Variants in ZBTB2 observed in about 807,000 individuals in gnomAD.
ZBTB2 encodes the protein zinc finger and BTB domain containing 2, also known as zinc finger and BTB domain-containing protein 2.
In ZBTB2, 2 loss-of-function variants were observed where a neutral mutation model predicts 39.5. That is an observed-to-expected ratio of 0.05 (90% CI 0.02 to 0.16). The LOEUF (loss-of-function observed/expected upper bound fraction) is 0.16, where lower values mean the gene tolerates loss of function less well. ZBTB2 is among the 10% of genes least tolerant of loss of function. ZBTB2 has a pLI of 1.00. For missense variants in ZBTB2, 391 were observed against 653.0 expected (o/e 0.60, Z 4.37); for synonymous variants, 251 against 256.6 (o/e 0.98, Z 0.21).
At chr6:151,390,675 TAGCGGCAGC>T in intron 1 of ZBTB2, among the ~76,000 whole-genome samples, 1 of 151,604 alleles carries the variant, frequency 6.6e-6, no homozygotes, top group East Asian at 2.0e-4. Flanking sequence ...GCCGCAGCAG[TAGCGGCAGC>T]AGCTGTAGGA....
At chr6:151,389,700 G>A (rs1464284000) in intron 1 of ZBTB2, among the ~76,000 whole-genome samples, 1 of 152,188 alleles carries the variant, frequency 6.6e-6, no homozygotes, top group Admixed American at 6.5e-5. Context: ...GAACAATGCA[G>A]CTGGGGGAGG....
At chr6:151,379,853 G>A (rs1582920966) in intron 1 of ZBTB2, among the ~76,000 whole-genome samples, 1 of 151,776 alleles carries the variant, frequency 6.6e-6, no homozygotes, top group East Asian at 1.9e-4. Context: ...TACATGAATG[G>A]GTGTATATTA....
chr6:151,375,243 G>A (rs928934365), intron 1 of ZBTB2, among the ~76,000 whole-genome samples: 3 of 152,154 alleles, frequency 2.0e-5, no homozygotes, highest in Non-Finnish European at 4.4e-5. Flanking sequence ...CATGTGGACT[G>A]AATTAAAAAG....
rs138282534 is a variant in ZBTB2, at chr6:151,372,328, G to A, written c.173+1137C>T. Among the ~76,000 whole-genome samples the A allele has an allele frequency of 2.6e-5, 4 of 152,194 alleles. No individual in the cohort carries two copies. The East Asian group carries it at 5.8e-4, about 22-fold the overall frequency. ...GACTGCAGCAGAATGAAGGAGGGGA[G>A]GAAACCACAGCGCGCACTGATAGGA... On this transcript the variant is annotated intron_variant, in intron 2 of 2. Coordinates refer to ENST00000325144, the MANE Select transcript of ZBTB2 (RefSeq NM_020861.3).
intron 1 of ZBTB2, among the ~76,000 whole-genome samples, chr6:151,379,024 T>C (rs924086959): frequency 2.1e-4 from 32 of 152,324 alleles, no homozygotes; most frequent in Non-Finnish European, 1.0e-4. Context: ...ACTTGGTTAG[T>C]TGGAATGTGC....
Position 151,364,458 on chromosome 6 carries a change from T to G in ZBTB2, c.*1063A>C, listed in dbSNP as rs1198353381. ...ATCAAGTTTTTTCCCAAACAGCAATTAGATTTTTTGTCCTGATTTCTCTTT... is the reference window on the plus strand; with the variant it reads ...ATCAAGTTTTTTCCCAAACAGCAATGAGATTTTTTGTCCTGATTTCTCTTT... On this transcript the variant is annotated 3_prime_UTR_variant, in exon 3 of 3. Coordinates refer to ENST00000325144, the MANE Select transcript of ZBTB2 (RefSeq NM_020861.3). The G allele has an allele frequency of 6.6e-6, 1 of 152,592 alleles. No individual in the cohort carries two copies. Among genetic ancestry groups the G allele is most frequent in the Non-Finnish European group, 1.5e-5 (1 of 68,028 alleles). 9.5% of individuals were successfully genotyped at this position (152,592 alleles called of 1,614,324 possible).
At position 151,390,501 on chromosome 6, in the gene ZBTB2, T is replaced by G. The variant is rs369759054; in HGVS notation, c.-13+919A>C. ...TAACACAATGCCGACGCCTACGCCG[T>G]GCGCAACGCCCCGGCCGGCGCAACA... On this transcript the variant is annotated intron_variant, in intron 1 of 2. Transcript: ENST00000325144. Among the ~76,000 whole-genome samples, 4 of 148,804 alleles carry G rather than the reference T, an allele frequency of 2.7e-5. No homozygotes were observed. In the East Asian group the frequency reaches 6.2e-4, roughly 23 times the overall value.
chr6:151,388,085 G>A (rs1368639758), intron 1 of ZBTB2, among the ~76,000 whole-genome samples: 1 of 151,320 alleles, frequency 6.6e-6, no homozygotes, highest in African/African-American at 2.4e-5. Flanking sequence ...TTTCTTCAGG[G>A]AAATAAAAAT....
rs1778769656 is a variant in ZBTB2 at position 151,370,624 on chromosome 6, T to G, written c.173+2841A>C. Among the ~76,000 whole-genome samples the G allele has an allele frequency of 3.3e-5, 5 of 152,244 alleles. No individual in the cohort carries two copies. The South Asian group carries it at 1.0e-3, about 32-fold the overall frequency. ...TGTGATTTAAACATACCACTCGGAGTAGTAGACATAAGACAGGGACATCTA... is the reference window on the plus strand; with the variant it reads ...TGTGATTTAAACATACCACTCGGAGGAGTAGACATAAGACAGGGACATCTA... On this transcript the variant is annotated intron_variant, in intron 2 of 2. Transcript: ENST00000325144.
chr6:151,390,786 C>G (rs373502164), intron 1 of ZBTB2, among the ~76,000 whole-genome samples: 1 of 150,506 alleles, frequency 6.6e-6, no homozygotes, highest in Non-Finnish European at 1.5e-5. Flanking sequence ...CTCCCCTCCC[C>G]CAAACCCACT....
chr6:151,368,850 G>A (rs1053514953), intron 2 of ZBTB2, among the ~76,000 whole-genome samples: 3 of 151,558 alleles, frequency 2.0e-5, no homozygotes, highest in East Asian at 1.9e-4. Context: ...TGCAATCTCC[G>A]CCTCCCAGGT....
chr6:151,366,952 C>G lies in ZBTB2; in HGVS notation c.174-60G>C. Reference sequence around the variant, plus strand: ...TGCCAGTCTAGGTGTTAACATAAAGCCTGAAGAAAAAAATGAATGCTTAAA... The same window carrying G: ...TGCCAGTCTAGGTGTTAACATAAAGGCTGAAGAAAAAAATGAATGCTTAAA... On this transcript the variant is annotated intron_variant, in intron 2 of 2. Transcript: ENST00000325144. This position sits in a 1 kb window ranked among gnomAD's most constrained non-coding sequence, Gnocchi z 7.1. 6.7e-7 allele frequency: 1 copy of G among 1,492,234 alleles called. No homozygotes were observed. Among genetic ancestry groups the G allele is most frequent in the Non-Finnish European group, 8.9e-7 (1 of 1,120,262 alleles). The allele number at this position is 1,492,234 out of a possible 1,614,324, so 92.4% of individuals were successfully genotyped here.
chr6:151,385,919 T>G (rs921582270), intron 1 of ZBTB2, among the ~76,000 whole-genome samples: 3 of 152,220 alleles, frequency 2.0e-5, no homozygotes, highest in Non-Finnish European at 4.4e-5. Context: ...GGCATTTTTT[T>G]CTTAACATTT....
chr6:151,382,483 G>A (rs957535931), intron 1 of ZBTB2, among the ~76,000 whole-genome samples: 9 of 151,308 alleles, frequency 5.9e-5, no homozygotes, highest in African/African-American at 1.9e-4. Context: ...TCGAACTCCC[G>A]ACCTCAGATG....
At chr6:151,384,064 T>C (rs1021410184) in intron 1 of ZBTB2, among the ~76,000 whole-genome samples, 1 of 152,342 alleles carries the variant, frequency 6.6e-6, no homozygotes, top group African/African-American at 2.4e-5. Flanking sequence ...CTAGTTATCC[T>C]AGATTGACCT....
At chr6:151,371,780 A>AT (rs1366735137) in intron 2 of ZBTB2, among the ~76,000 whole-genome samples, 5 of 152,234 alleles carry the variant, frequency 3.3e-5, no homozygotes, top group African/African-American at 1.2e-4. Context: ...GGAAATACGA[A>AT]TCCAATAGTA....
rs1562763597 is a variant in ZBTB2 at position 151,366,907 on chromosome 6, T to A, written c.174-15A>T. ...GGACACACTCACTGAAAGAAACAAG[T>A]AAAAAAATACGTGAGTAAATGCCAG... On this transcript the variant is annotated splice_polypyrimidine_tract_variant and intron_variant, in intron 2 of 2. Transcript: ENST00000325144. This position sits in a 1 kb window ranked among gnomAD's most constrained non-coding sequence, Gnocchi z 7.1. 2 of 1,581,050 alleles carry A rather than the reference T, an allele frequency of 1.3e-6. No homozygotes were observed. Among genetic ancestry groups the A allele is most frequent in the Admixed American group, 1.8e-5 (1 of 55,222 alleles).
At chr6:151,378,222 A>T (rs542207780) in intron 1 of ZBTB2, 1 of 152,318 alleles carries the variant, frequency 6.6e-6, no homozygotes, top group East Asian at 1.9e-4. Flanking sequence ...TAATGGAATA[A>T]TACTTTAAGA....
At chr6:151,369,441 C>T (rs1364889541) in intron 2 of ZBTB2, among the ~76,000 whole-genome samples, 1 of 152,058 alleles carries the variant, frequency 6.6e-6, no homozygotes, top group Non-Finnish European at 1.5e-5. Flanking sequence ...CAGCCTCAGC[C>T]TCCTGAGTAG....
Sources: allele counts gnomAD v4.1 joint callset (sites outside exome capture counted in the v4.1 genomes callset), GRCh38; gene constraint gnomAD v4.1.1; non-coding constraint Gnocchi (gnomAD v3.1); transcripts MANE v1.5; gene names NCBI Gene and HGNC (gene_info 2026-07-23, HGNC 2026-07-21).